The following CNTNAP5 variants were observed in gnomAD, a reference collection of about 807,000 sequenced individuals.
The protein encoded by CNTNAP5 is contactin associated protein family member 5, also known as contactin-associated protein-like 5.
In CNTNAP5, 72 loss-of-function variants were observed where a neutral mutation model predicts 150.2. The observed-to-expected ratio is 0.48, with a 90% CI of 0.40 to 0.58. The LOEUF is 0.58. CNTNAP5 is among the 20% of genes least tolerant of loss of function. The pLI is 0.00. For synonymous variants in CNTNAP5, 672 were observed against 619.8 expected (o/e 1.08, Z -1.25); for missense variants, 1,636 against 1,626.2 (o/e 1.01, Z -0.10).
At chr2:124,408,213 C>T (rs1160823461) in intron 3 of CNTNAP5, among the ~76,000 whole-genome samples, 1 of 152,208 alleles carries the variant, frequency 6.6e-6, no homozygotes, top group Non-Finnish European at 1.5e-5. Context: ...TTATATCTCG[C>T]ACCTGGCTCG....
At chr2:124,735,660 T>C (rs1573582145) in intron 13 of CNTNAP5, among the ~76,000 whole-genome samples, 1 of 152,198 alleles carries the variant, frequency 6.6e-6, no homozygotes, top group South Asian at 2.1e-4. Context: ...CCTTCTCTAA[T>C]AGGACCAGGT....
chr2:124,208,894 A>G (rs1364697341), intron 1 of CNTNAP5, among the ~76,000 whole-genome samples: 1 of 152,136 alleles, frequency 6.6e-6, no homozygotes, highest in Non-Finnish European at 1.5e-5. Flanking sequence ...TTAATTAAGC[A>G]TTTTCTTTGT....
At chr2:124,433,613 T>C (rs1361540255) in intron 4 of CNTNAP5, among the ~76,000 whole-genome samples, 2 of 151,928 alleles carry the variant, frequency 1.3e-5, no homozygotes, top group African/African-American at 4.8e-5. Context: ...TGGTATATAA[T>C]GAATCAGTTT....
chr2:124,137,559 C>T (rs921789652), intron 1 of CNTNAP5, among the ~76,000 whole-genome samples: 1 of 152,044 alleles, frequency 6.6e-6, no homozygotes, highest in African/African-American at 2.4e-5. Context: ...CACAAATACA[C>T]ATGTATTTAA....
At chr2:124,589,558 C>A (rs1475504149) in intron 11 of CNTNAP5, among the ~76,000 whole-genome samples, 7 of 152,146 alleles carry the variant, frequency 4.6e-5, no homozygotes, top group Non-Finnish European at 7.3e-5. Context: ...GCTGACTTAA[C>A]CTCCTGCCTC....
chr2:124,240,659 GAA>G (rs5834050), intron 2 of CNTNAP5, among the ~76,000 whole-genome samples: 3 of 146,802 alleles, frequency 2.0e-5, no homozygotes, highest in South Asian at 2.1e-4. Flanking sequence ...GGAATGGTGA[GAA>G]AAAAAAAAAG....
intron 23 of CNTNAP5, among the ~76,000 whole-genome samples, chr2:124,911,970 C>T (rs192048343): frequency 9.5e-4 from 144 of 152,170 alleles, no homozygotes; most frequent in African/African-American, 3.3e-3. Context: ...TGGGTTAGGT[C>T]TAATGAGCAG....
intron 4 of CNTNAP5, among the ~76,000 whole-genome samples, chr2:124,428,216 A>G (rs1211997324): frequency 6.6e-6 from 1 of 151,974 alleles, no homozygotes; most frequent in African/African-American, 2.4e-5. Context: ...ACTGCCTCTT[A>G]TGTCTCAGGA....
At chr2:124,563,467 A>G in intron 11 of CNTNAP5, 144 bp downstream of exon 11, 1 of 607,086 alleles carries the variant, frequency 1.6e-6, no homozygotes, top group South Asian at 2.0e-5. Context: ...TTATATACCA[A>G]ACACTTTGTT....
chr2:124,820,380 C>T (rs942204105), intron 19 of CNTNAP5, among the ~76,000 whole-genome samples: 2 of 151,884 alleles, frequency 1.3e-5, no homozygotes, highest in African/African-American at 4.8e-5. Flanking sequence ...ATCTAAACCA[C>T]AATTTGATCT....
chr2:124,578,872 C>T (rs760434291), intron 11 of CNTNAP5, among the ~76,000 whole-genome samples: 5 of 152,148 alleles, frequency 3.3e-5, no homozygotes, highest in Non-Finnish European at 7.3e-5. Flanking sequence ...ATCAAGACTT[C>T]TCTATTATCA....
chr2:124,902,756 GTTTT>G lies in CNTNAP5; in HGVS notation c.3437-125_3437-122del, dbSNP rs1469928694. 8.3e-6 allele frequency: 5 copies of G among 598,842 alleles called. No individual in the cohort carries two copies. In the African/African-American group the frequency reaches 9.2e-5, roughly 11 times the overall value. The allele number at this position is 598,842 out of a possible 1,614,324, so 37.1% of individuals were successfully genotyped here. A position where few individuals can be genotyped will look rare whatever the true frequency, so the allele number is the denominator to read the frequency against. On this transcript the variant is annotated intron_variant, in intron 21 of 23. Coordinates refer to ENST00000682447, the MANE Select transcript of CNTNAP5 (RefSeq NM_001367498.1). ...GATAAAGAGAGATAGATAGGGGAGG[GTTTT>G]CTTTACTCAAACAATAACAAGGTAA...
chr2:124,028,329 C>T (rs1680954704), intron 1 of CNTNAP5, among the ~76,000 whole-genome samples: 1 of 131,758 alleles, frequency 7.6e-6, no homozygotes, highest in Non-Finnish European at 1.7e-5. Context: ...TGTGTGTGTG[C>T]ACATGCATTT....
intron 13 of CNTNAP5, among the ~76,000 whole-genome samples, chr2:124,699,593 C>G (rs1422487570): frequency 2.0e-5 from 3 of 152,114 alleles, no homozygotes; most frequent in Non-Finnish European, 4.4e-5. Context: ...ACCAACCTCT[C>G]CCTTGGCTGT....
chr2:124,625,380 G>A (rs188318925), intron 12 of CNTNAP5, among the ~76,000 whole-genome samples: 26 of 152,124 alleles, frequency 1.7e-4, no homozygotes, highest in Non-Finnish European at 1.8e-4. Context: ...CATTTAAGAC[G>A]CTATTTTCTA....
In CNTNAP5 at chr2:124,375,259, A is replaced by C. The variant is rs569773031; in HGVS notation, c.382-42184A>C. ...ATTTATTAATTACAAAGAAAAAAAA[A>C]CAGTAAATTTCTTTTATACAATTAA... On this transcript the variant is annotated intron_variant, in intron 3 of 23. Transcript: ENST00000682447. Among the ~76,000 whole-genome samples the C allele has an allele frequency of 2.0e-3, 311 of 152,036 alleles. 2 individuals are homozygous for C. Among genetic ancestry groups the C allele is most frequent in the African/African-American group, 6.1e-3 (252 of 41,404 alleles).
chr2:124,592,121 T>C (rs571026180), intron 11 of CNTNAP5, among the ~76,000 whole-genome samples: 7 of 152,274 alleles, frequency 4.6e-5, no homozygotes, highest in African/African-American at 9.6e-5. Flanking sequence ...TAGTCCTCAA[T>C]TGATGAACAC....
intron 13 of CNTNAP5, among the ~76,000 whole-genome samples, chr2:124,687,117 G>A (rs725043): frequency 0.019 from 2,852 of 152,152 alleles, 28 homozygotes; most frequent in Non-Finnish European, 0.032. Flanking sequence ...GATTAGTTGG[G>A]TACCTGGGGC....
chr2:124,336,646 T>C (rs1279245155), intron 3 of CNTNAP5, among the ~76,000 whole-genome samples: 9 of 151,034 alleles, frequency 6.0e-5, no homozygotes, highest in Admixed American at 2.6e-4. Flanking sequence ...GTCCTTGCGA[T>C]AGTTTGCTGA....
Sources: gnomAD v4.1 joint callset for allele counts (sites outside exome capture counted in the v4.1 genomes callset) on GRCh38, gnomAD v4.1.1 for gene constraint, MANE v1.5 for transcripts, NCBI Gene and HGNC (gene_info 2026-07-23, HGNC 2026-07-21) for gene names.